Variants in OTULIN observed in about 807,000 individuals in gnomAD.
OTULIN encodes the protein ubiquitin thioesterase otulin.
Under a neutral mutation model 39.6 loss-of-function variants are expected in OTULIN, and 15 were observed. The observed-to-expected ratio is 0.38, with a 90% confidence interval of 0.25 to 0.58. OTULIN has a LOEUF of 0.58. OTULIN is among the 20% of genes least tolerant of loss of function. OTULIN has a pLI of 0.66. For synonymous variants in OTULIN, 156 were observed against 170.3 expected (o/e 0.92, Z 0.65); for missense variants, 319 against 445.9 (o/e 0.72, Z 2.56).
chr5:14,679,023 C>T (rs1736178194), intron 3 of OTULIN, among the ~76,000 whole-genome samples: 1 of 152,190 alleles, frequency 6.6e-6, no homozygotes, highest in Non-Finnish European at 1.5e-5. Context: ...TAAATGACTG[C>T]TGTTCAGAGT....
chr5:14,684,550 GCC>G, intron 4 of OTULIN, among the ~76,000 whole-genome samples: 1 of 152,262 alleles, frequency 6.6e-6, no homozygotes, highest in South Asian at 2.1e-4. Context: ...TCTCACTCTG[GCC>G]CCCCTGGCCC....
chr5:14,703,324 C>CAAAAAAAAAA (rs59779015), downstream of OTULIN, among the ~76,000 whole-genome samples: 2 of 122,120 alleles, frequency 1.6e-5, no homozygotes, highest in Non-Finnish European at 3.4e-5. Flanking sequence ...TTAATAGTGT[C>CAAAAAAAAAA]AAAAAAAAAA....
At chr5:14,711,456 T>C in the OTULIN span, 1 of 692,484 alleles carries the variant, frequency 1.4e-6, no homozygotes, top group South Asian at 1.6e-5. Flanking sequence ...GTCACCTCTT[T>C]TGCATCTTAG....
chr5:14,680,797 G>C (rs762955835), intron 3 of OTULIN, among the ~76,000 whole-genome samples: 1 of 152,224 alleles, frequency 6.6e-6, no homozygotes. Flanking sequence ...GGTGGCTCAC[G>C]CCTGTAATCC....
the OTULIN span, among the ~76,000 whole-genome samples, chr5:14,711,769 T>A: frequency 6.6e-6 from 1 of 152,244 alleles, no homozygotes; most frequent in African/African-American, 2.4e-5. Flanking sequence ...CTCTCCCACT[T>A]ACTGCCTGTC....
At chr5:14,669,284 G>T (rs1000842403) in intron 1 of OTULIN, among the ~76,000 whole-genome samples, 1 of 152,138 alleles carries the variant, frequency 6.6e-6, no homozygotes, top group African/African-American at 2.4e-5. Flanking sequence ...AGAATTGCTT[G>T]AACCTGGGAG....
At chr5:14,709,746 A>G in the OTULIN span, 1 of 152,646 alleles carries the variant, frequency 6.6e-6, no homozygotes, top group African/African-American at 2.4e-5. Context: ...ACTGCTGCCA[A>G]TAAGGTACAA....
At chr5:14,705,230 G>A in the OTULIN span, 2 of 152,020 alleles carry the variant, frequency 1.3e-5, no homozygotes, top group Admixed American at 1.3e-4. Flanking sequence ...AAACCTATGG[G>A]CTGACAGCCA....
chr5:14,669,588 A>G (rs1341240695), intron 1 of OTULIN, among the ~76,000 whole-genome samples: 2 of 152,214 alleles, frequency 1.3e-5, no homozygotes, highest in East Asian at 3.9e-4. Flanking sequence ...CCTGGACAAC[A>G]TAGTGAGACC....
rs751962685 is a variant in OTULIN at position 14,690,355 on chromosome 5, T to C, written c.864+47T>C. 2.5e-6 allele frequency: 4 copies of C among 1,585,978 alleles called. No homozygotes were observed. The South Asian group carries it at 3.4e-5, about 14-fold the overall frequency. ...GTATTACCCCAAAATAAAGCAGCTT[T>C]ACTGATCAAACTTGATGTCACAGTT... On this transcript the variant is annotated intron_variant, in intron 6 of 6. Transcript: ENST00000284274. This position sits in a 1 kb window ranked among gnomAD's most constrained non-coding sequence, Gnocchi z 4.5.
intron 1 of OTULIN, among the ~76,000 whole-genome samples, chr5:14,671,736 A>G (rs887758220): frequency 6.6e-6 from 1 of 152,242 alleles, no homozygotes; most frequent in South Asian, 2.1e-4. Context: ...TCACAACGTT[A>G]AAATACACAC....
intron 1 of OTULIN, among the ~76,000 whole-genome samples, chr5:14,668,851 G>A (rs1237278717): frequency 1.3e-5 from 2 of 152,134 alleles, no homozygotes; most frequent in African/African-American, 4.8e-5. Flanking sequence ...ACTAAGTTCT[G>A]CTTTTAACTC....
Position 14,694,538 on chromosome 5 carries a change from T to C in OTULIN, c.*1490T>C, listed in dbSNP as rs1579980500. On this transcript the variant is annotated 3_prime_UTR_variant, in exon 7 of 7. Coordinates refer to ENST00000284274, the MANE Select transcript of OTULIN (RefSeq NM_138348.6). ...GTCCAATTTAATATAGTTTAGAAGC[T>C]ATTTTTTTTGAGGCAAACCGTTTTT... 6.6e-6 allele frequency: 1 copy of C among 152,108 alleles called. No homozygotes were observed. Among genetic ancestry groups the C allele is most frequent in the Non-Finnish European group, 1.5e-5 (1 of 68,046 alleles). The allele number at this position is 152,108 out of a possible 1,614,324, so 9.4% of individuals were successfully genotyped here. A position where few individuals can be genotyped will look rare whatever the true frequency, so the allele number is the denominator to read the frequency against.
In OTULIN at chr5:14,693,245, A is replaced by G; in HGVS notation, c.*197A>G. 2 of 549,290 alleles carry G rather than the reference A, an allele frequency of 3.6e-6. No individual in the cohort carries two copies. Among genetic ancestry groups the G allele is most frequent in the Non-Finnish European group, 6.4e-6 (2 of 310,472 alleles). 34.0% of individuals were successfully genotyped at this position (549,290 alleles called of 1,614,324 possible). On this transcript the variant is annotated 3_prime_UTR_variant, in exon 7 of 7. Coordinates refer to ENST00000284274, the MANE Select transcript of OTULIN (RefSeq NM_138348.6). ...AACCAAGTCTTTCCCCTCATCTATG[A>G]TGCAATATATTTCAGTGGGGGCCTT...
chr5:14,683,562 A>G (rs1736310796), intron 4 of OTULIN, among the ~76,000 whole-genome samples: 1 of 152,096 alleles, frequency 6.6e-6, no homozygotes, highest in African/African-American at 2.4e-5. Context: ...GTAGATATAT[A>G]TGACACAATT....
chr5:14,712,409 C>G, the OTULIN span, among the ~76,000 whole-genome samples: 1 of 152,244 alleles, frequency 6.6e-6, no homozygotes, highest in Non-Finnish European at 1.5e-5. Context: ...TCAGAAGGGC[C>G]CTTGCGCAAG....
rs188539415 is a variant in OTULIN at position 14,682,880 on chromosome 5, G to A, written c.468+1273G>A. ...GGTGCCTGATAAAGTATCCTCAGCA[G>A]ATGGAAATGTGGCCAGGATGCTTCT... On this transcript the variant is annotated intron_variant, in intron 4 of 6. Transcript: ENST00000284274. Among the ~76,000 whole-genome samples, 312 of 152,312 alleles carry A rather than the reference G, an allele frequency of 2.0e-3. 1 individual carries two copies. The highest frequency in any genetic ancestry group is 0.014 in the Middle Eastern group (4 of 294).
In OTULIN at chr5:14,687,559, G is replaced by A. The variant is rs1736417073; in HGVS notation, c.507G>A (p.Lys169=). 1.2e-6 allele frequency: 2 copies of A among 1,613,958 alleles called. No homozygotes were observed. The highest frequency in any genetic ancestry group is 1.7e-6 in the Non-Finnish European group (2 of 1,180,004). The change falls in exon 5 of 7, where the codon AAG becomes AAA. Residue 169 remains lysine, a synonymous_variant. Transcript: ENST00000284274. ...TCATAAGCAAATACAACTGGATCAA[G>A]CAATGGAAACTTGGACTGAAATTTG... ...EKLISKYNWI[K]QWKLGLKFDG... is the part of the protein sequence containing the mutation.
intron 5 of OTULIN, among the ~76,000 whole-genome samples, chr5:14,689,728 C>G (rs1196670727): frequency 6.6e-6 from 1 of 152,210 alleles, no homozygotes; most frequent in Non-Finnish European, 1.5e-5. Flanking sequence ...CATGTGTTAG[C>G]TCTTCCATAA....
Sources: allele counts gnomAD v4.1 joint callset (sites outside exome capture counted in the v4.1 genomes callset), GRCh38; gene constraint gnomAD v4.1.1; non-coding constraint Gnocchi (gnomAD v3.1); transcripts MANE v1.5; gene names NCBI Gene and HGNC (gene_info 2026-07-23, HGNC 2026-07-21).